The following TRPM2 variants were observed in gnomAD, a reference collection of about 807,000 sequenced individuals.
TRPM2 encodes the protein estrogen-responsive element-associated gene 1 protein.
Under a neutral mutation model 174.0 loss-of-function variants are expected in TRPM2, and 161 were observed. The ratio of observed to expected loss-of-function variants is 0.93; its 90% CI spans 0.81 to 1.05. The LOEUF (loss-of-function observed/expected upper bound fraction) is 1.05. TRPM2 is among the 50% of genes least tolerant of loss of function. The pLI is 0.00. For missense variants in TRPM2, 2,057 were observed against 2,038.0 expected (o/e 1.01, Z -0.18); for synonymous variants, 954 against 861.3 (o/e 1.11, Z -1.88).
At chr21:44,363,332 T>C (rs1326091767) in intron 2 of TRPM2, among the ~76,000 whole-genome samples, 1 of 152,068 alleles carries the variant, frequency 6.6e-6, no homozygotes, top group Non-Finnish European at 1.5e-5. Flanking sequence ...GTCCCAGAGG[T>C]TTTGTTTACT....
intron 31 of TRPM2, among the ~76,000 whole-genome samples, chr21:44,441,257 T>C (rs1467367769): frequency 6.6e-6 from 1 of 151,622 alleles, no homozygotes; most frequent in East Asian, 2.0e-4. Context: ...CATAGGGCCC[T>C]GTGTAGTTCT....
rs940885365 is a variant in TRPM2, at chr21:44,400,341, C to G, written c.2291C>G (p.Pro764Arg). The G allele has an allele frequency of 1.2e-6, 2 of 1,612,396 alleles. No homozygotes were observed. Among genetic ancestry groups the G allele is most frequent in the African/African-American group, 1.3e-5 (1 of 74,928 alleles). ...GTGACCCTGTGCATGCTGGCCTTCC[C>G]GCTGCTCCTCACCGGCCTCATCTCC... ...WRVTLCMLAFPLLLTGLISFR... is the reference protein window; with the variant it reads ...WRVTLCMLAFRLLLTGLISFR... Residue 764 changes from proline (P) to arginine (R), a missense_variant, in exon 15 of 32, where the codon CCG becomes CGG. Physicochemically the swap from Pro to Arg is moderately radical, Grantham distance 103. Coordinates refer to ENST00000397928, the MANE Select transcript of TRPM2 (RefSeq NM_003307.4).
chr21:44,364,872 G>A (rs1164568318), intron 3 of TRPM2, among the ~76,000 whole-genome samples: 1 of 152,206 alleles, frequency 6.6e-6, no homozygotes, highest in Non-Finnish European at 1.5e-5. Context: ...AGGTTCTCTC[G>A]TGCACAACCT....
upstream of TRPM2, among the ~76,000 whole-genome samples, chr21:44,351,475 C>G (rs2122921825): frequency 6.6e-6 from 1 of 152,250 alleles, no homozygotes; most frequent in Non-Finnish European, 1.5e-5. Flanking sequence ...CATCTGTCTT[C>G]TGGAAGCTCA....
chr21:44,408,389 C>T (rs913840668), intron 19 of TRPM2, among the ~76,000 whole-genome samples: 16 of 151,986 alleles, frequency 1.1e-4, no homozygotes, highest in Non-Finnish European at 1.8e-4. Flanking sequence ...TTTTTGTGGA[C>T]GTGCTGGGCT....
At chr21:44,425,633 G>T in intron 24 of TRPM2, 37 bp from the exon 25 acceptor site, 1 of 1,452,404 alleles carries the variant, frequency 6.9e-7, no homozygotes, top group Non-Finnish European at 9.2e-7. Context: ...CTGAGCCCGG[G>T]CTCCGCCTTG....
intron 16 of TRPM2, 24 bp downstream of exon 16, chr21:44,401,921 C>T (rs200852669): frequency 1.8e-5 from 29 of 1,612,766 alleles, no homozygotes; most frequent in African/African-American, 2.7e-5. Context: ...CGCTTTTCCA[C>T]GCCCCAGCCC....
intron 19 of TRPM2, among the ~76,000 whole-genome samples, chr21:44,408,387 G>T (rs1478773932): frequency 6.6e-6 from 1 of 151,922 alleles, no homozygotes; most frequent in African/African-American, 2.4e-5. Flanking sequence ...AGTTTTTGTG[G>T]ACGTGCTGGG....
At position 44,391,235 on chromosome 21, in the gene TRPM2, C is replaced by A. The variant is rs369956988; in HGVS notation, c.1441-37C>A. On this transcript the variant is annotated intron_variant, in intron 10 of 31. Transcript: ENST00000397928. This position sits in a 1 kb window ranked among gnomAD's most constrained non-coding sequence, Gnocchi z 5.0. Reference sequence around the variant, plus strand: ...AGATCAGGATGACATGGGGTGATGACCAAATGCAACCGTCACTGCACAATG... The same window carrying A: ...AGATCAGGATGACATGGGGTGATGAACAAATGCAACCGTCACTGCACAATG... The A allele has an allele frequency of 4.7e-5, 74 of 1,582,852 alleles. No individual in the cohort carries two copies. In the African/African-American group the frequency reaches 6.4e-4, roughly 14 times the overall value.
rs539879028 is a variant in TRPM2, at chr21:44,391,115, T to C, written c.1440+90T>C. ...AAGGGCAGGCAAAGTTCGCATTGTCTGGATCCCAGCCCTTCCCTTGAGGGT... is the reference window on the plus strand; with the variant it reads ...AAGGGCAGGCAAAGTTCGCATTGTCCGGATCCCAGCCCTTCCCTTGAGGGT... On this transcript the variant is annotated intron_variant, in intron 10 of 31. Coordinates refer to ENST00000397928, the MANE Select transcript of TRPM2 (RefSeq NM_003307.4). The surrounding 1 kb of genome is among the most constrained non-coding windows in gnomAD (Gnocchi z 5.0). The C allele has an allele frequency of 1.9e-5, 30 of 1,590,246 alleles. No homozygotes were observed. The highest frequency in any genetic ancestry group is 1.1e-4 in the South Asian group (10 of 88,232).
At chr21:44,387,148 T>A (rs9808807) in intron 9 of TRPM2, among the ~76,000 whole-genome samples, 5,878 of 152,182 alleles carry the variant, frequency 0.039, 339 homozygotes, top group African/African-American at 0.12. Context: ...ATTGCACCAC[T>A]GCACTCCAGC....
intron 9 of TRPM2, among the ~76,000 whole-genome samples, chr21:44,386,556 C>T (rs1020279670): frequency 2.0e-5 from 3 of 152,004 alleles, no homozygotes; most frequent in Non-Finnish European, 4.4e-5. Context: ...AAGACTTGTA[C>T]AATGAAAACT....
At chr21:44,390,377 A>G (rs2049137350) in intron 9 of TRPM2, among the ~76,000 whole-genome samples, 1 of 152,190 alleles carries the variant, frequency 6.6e-6, no homozygotes, top group Non-Finnish European at 1.5e-5. Flanking sequence ...TTTTTCCCCA[A>G]ATAACAACCC....
chr21:44,434,280 C>G (rs1409030762), intron 27 of TRPM2, among the ~76,000 whole-genome samples: 1 of 150,586 alleles, frequency 6.6e-6, no homozygotes, highest in African/African-American at 2.4e-5. Context: ...GGGACTGTGG[C>G]AGAGACGCTG....
In TRPM2 at chr21:44,395,546, G is replaced by A. The variant is rs1335651491; in HGVS notation, c.1927G>A (p.Ala643Thr). Reference sequence around the variant, plus strand: ...TCGGGAGCTGGCAGGAATCATCTGGGCTCAGGTAATAAGACTGGCTTCTCA... The same window carrying A: ...TCGGGAGCTGGCAGGAATCATCTGGACTCAGGTAATAAGACTGGCTTCTCA... The part of the protein sequence containing the change: ...NRRELAGIIW[A>T]QSQDCIAAAL... Residue 643 changes from alanine to threonine, a missense_variant, in exon 12 of 32, where the codon GCT (alanine) becomes ACT (threonine). Coordinates refer to ENST00000397928, the MANE Select transcript of TRPM2 (RefSeq NM_003307.4). 1.9e-6 allele frequency: 3 copies of A among 1,612,778 alleles called. No homozygotes were observed. Among genetic ancestry groups the A allele is most frequent in the Admixed American group, 3.3e-5 (2 of 59,988 alleles).
chr21:44,407,450 GTTTTTTTTT>G (rs71197896), intron 19 of TRPM2, among the ~76,000 whole-genome samples: 31 of 85,848 alleles, frequency 3.6e-4, no homozygotes, highest in Middle Eastern at 0.015. Flanking sequence ...CATATAGAAG[GTTTTTTTTT>G]TTTTTTTTTT....
At position 44,353,705 on chromosome 21, in the gene TRPM2, A is replaced by G. The variant is rs2047971292; in HGVS notation, c.5A>G (p.Glu2Gly). 4.0e-6 allele frequency: 6 copies of G among 1,507,012 alleles called. No homozygotes were observed. The highest frequency in any genetic ancestry group is 5.3e-6 in the Non-Finnish European group (6 of 1,131,886). The allele number at this position is 1,507,012 out of a possible 1,614,324, so 93.4% of individuals were successfully genotyped here. The change falls in exon 1 of 32, where the codon GAG (glutamate) becomes GGG (glycine). Residue 2 changes from glutamate (E) to glycine (G), a missense_variant. Transcript: ENST00000397928. M[E>G]PSALRKAGSE... ...AGCTGGCGTGGGGGTCTCAGAATGG[A>G]GCCCTCAGCCCTGAGGAAAGCTGGC...
Position 44,401,716 on chromosome 21 carries a change from CCCGCGCCCGTGCCTTCTTCA to C in TRPM2, c.2362_2381del (p.Ala788ThrfsTer56). On this transcript the variant is annotated frameshift_variant, in exon 16 of 32. Transcript: ENST00000397928. LOFTEE classifies it high-confidence loss of function. ...CTGCAGGATGTGGGCACCCCCGCGG[CCCGCGCCCGTGCCTTCTTCA>C]CCGCACCCGTGGTGGTCTTCCACCT... is the stretch of plus-strand genomic sequence containing the variant. 6.2e-7 allele frequency: 1 copy of C among 1,613,302 alleles called. No homozygotes were observed. Among genetic ancestry groups the C allele is most frequent in the Non-Finnish European group, 8.5e-7 (1 of 1,179,920 alleles).
chr21:44,407,464 T>G (rs1419708923), intron 19 of TRPM2, among the ~76,000 whole-genome samples: 2 of 147,858 alleles, frequency 1.4e-5, no homozygotes, highest in South Asian at 2.2e-4. Flanking sequence ...TTTTTTTTTT[T>G]TTTTTTTTTT....
Sources: allele counts gnomAD v4.1 joint callset (sites outside exome capture counted in the v4.1 genomes callset), GRCh38; gene constraint gnomAD v4.1.1; non-coding constraint Gnocchi (gnomAD v3.1); transcripts MANE v1.5; gene names NCBI Gene and HGNC (gene_info 2026-07-23, HGNC 2026-07-21).